Variants in ALPL observed in about 807,000 individuals in gnomAD.
The protein encoded by ALPL is alkaline phosphatase, tissue-nonspecific isozyme.
ALPL carries 42 observed loss-of-function variants against 51.3 expected under a neutral mutation model. The ratio of observed to expected loss-of-function variants is 0.82; its 90% CI spans 0.64 to 1.06. The LOEUF (loss-of-function observed/expected upper bound fraction) is 1.06, where lower values mean the gene tolerates loss of function less well. Among genes scored for constraint, ALPL ranks in the 50% least tolerant of loss-of-function variants. The pLI, the probability that ALPL is intolerant of heterozygous loss-of-function variation, is 0.00. For missense variants in ALPL, 589 were observed against 709.4 expected, an observed-to-expected ratio of 0.83 and a Z score of 1.93; for synonymous variants, 279 against 296.4, an observed-to-expected ratio of 0.94 and a Z score of 0.60.
At chr1:21,524,825 A>G (rs1389653071) in intron 1 of ALPL, among the ~76,000 whole-genome samples, 1 of 152,132 alleles carries the variant, frequency 6.6e-6, no homozygotes, top group Non-Finnish European at 1.5e-5. Flanking sequence ...GAGTTTATCT[A>G]TCCCCTGCGC....
intron 1 of ALPL, among the ~76,000 whole-genome samples, chr1:21,544,700 C>T (rs1200132325): frequency 2.0e-5 from 3 of 152,190 alleles, no homozygotes; most frequent in Non-Finnish European, 4.4e-5. Context: ...GAGCTAAGAC[C>T]GTGCCACTGC....
chr1:21,551,313 GA>G, intron 1 of ALPL: 1 of 152,474 alleles, frequency 6.6e-6, no homozygotes, highest in East Asian at 1.9e-4. Flanking sequence ...GATGGCCCAG[GA>G]AAGAACTATA....
chr1:21,549,232 G>A (rs1179513787), intron 1 of ALPL, among the ~76,000 whole-genome samples: 6 of 152,158 alleles, frequency 3.9e-5, no homozygotes, highest in Admixed American at 3.9e-4. Flanking sequence ...CTCCCTAGGT[G>A]AGCACGTCAA....
intron 2 of ALPL, 69 bp downstream of exon 2, chr1:21,554,211 A>G (rs1644368499): frequency 6.7e-6 from 10 of 1,489,852 alleles, no homozygotes; most frequent in Non-Finnish European, 8.4e-6. Context: ...GGCAGTGTCT[A>G]TGTTTTAAGG....
intron 1 of ALPL, among the ~76,000 whole-genome samples, chr1:21,510,259 A>T (rs1643657425): frequency 6.6e-6 from 1 of 151,254 alleles, no homozygotes; most frequent in African/African-American, 2.5e-5. Flanking sequence ...GCAGAAAGGC[A>T]GGAGGCCGAG....
intron 1 of ALPL, among the ~76,000 whole-genome samples, chr1:21,548,458 C>G (rs2148124108): frequency 6.6e-6 from 1 of 152,368 alleles, no homozygotes; most frequent in South Asian, 2.1e-4. Context: ...ACTTATGGAA[C>G]TGCTACCATG....
At position 21,563,119 on chromosome 1, in the gene ALPL, A is replaced by G. The variant is rs202075854; in HGVS notation, c.307A>G (p.Thr103Ala). The part of the protein sequence containing the change: ...PFVALSKTYN[T>A]NAQVPDSAGT... ...CCTCTCCCACCTGCAGACGTACAAC[A>G]CCAATGCCCAGGTCCCTGACAGTGC... Residue 103 changes from threonine to alanine, a missense_variant, in exon 5 of 12, where the codon ACC (threonine) becomes GCC (alanine). Thr to Ala is a moderately conservative substitution (Grantham distance 58, BLOSUM62 0). Transcript: ENST00000374840. 20 of 1,613,554 alleles carry G rather than the reference A, an allele frequency of 1.2e-5. No homozygotes were observed. Among genetic ancestry groups the G allele is most frequent in the Non-Finnish European group, 1.5e-5 (18 of 1,180,002 alleles).
rs760478056 is a variant in ALPL, at chr1:21,553,386, C to T, written c.-104-592C>T. ...CCATTTTTATATCTCTTACCATAAA[C>T]GACAAGCTCTAGAAGAGAATGTAGC... On this transcript the variant is annotated intron_variant, in intron 1 of 11. Coordinates refer to ENST00000374840, the MANE Select transcript of ALPL (RefSeq NM_000478.6). Among the ~76,000 whole-genome samples, 4 of 152,200 alleles carry T rather than the reference C, an allele frequency of 2.6e-5. No homozygotes were observed. In the South Asian group the frequency reaches 6.2e-4, roughly 24 times the overall value.
intron 1 of ALPL, among the ~76,000 whole-genome samples, chr1:21,517,098 G>C (rs909252015): frequency 1.3e-5 from 2 of 152,182 alleles, no homozygotes; most frequent in African/African-American, 2.4e-5. Flanking sequence ...ATACTGTATT[G>C]AATGTGAAAA....
intron 1 of ALPL, among the ~76,000 whole-genome samples, chr1:21,513,002 G>A (rs1643721721): frequency 6.6e-6 from 1 of 152,148 alleles, no homozygotes; most frequent in Non-Finnish European, 1.5e-5. Context: ...GTAACCAGGA[G>A]TCAGGTTTCA....
intron 1 of ALPL, among the ~76,000 whole-genome samples, chr1:21,527,868 G>C (rs747626732): frequency 2.6e-5 from 4 of 152,044 alleles, no homozygotes; most frequent in Admixed American, 2.0e-4. Context: ...CATTTGAATG[G>C]CTGTTTAGCT....
At chr1:21,566,887 G>A (rs182314845) in intron 6 of ALPL, among the ~76,000 whole-genome samples, 6 of 152,136 alleles carry the variant, frequency 3.9e-5, no homozygotes, top group Non-Finnish European at 7.3e-5. Context: ...ATGAGCCACC[G>A]CGCCTGGCCA....
At chr1:21,560,601 A>G in intron 2 of ALPL, 25 bp from the exon 3 acceptor site, 1 of 1,613,616 alleles carries the variant, frequency 6.2e-7, no homozygotes, top group Non-Finnish European at 8.5e-7. Flanking sequence ...TACCCCGCCA[A>G]GTAACTGCCT....
Position 21,564,231 on chromosome 1 carries a change from G to GCC in ALPL, c.648+16_648+17insCC. 1 of 1,612,794 alleles carries GCC rather than the reference G, an allele frequency of 6.2e-7. No individual in the cohort carries two copies. Among genetic ancestry groups the GCC allele is most frequent in the Non-Finnish European group, 8.5e-7 (1 of 1,179,800 alleles). ...GGGACATTGACGTGAGTGCTCGGGG[G>GCC]CAGCCGGGCAGGGACGGGGTGAGGC... On this transcript the variant is annotated intron_variant, in intron 6 of 11. Coordinates refer to ENST00000374840, the MANE Select transcript of ALPL (RefSeq NM_000478.6). The surrounding 1 kb of genome is among the most constrained non-coding windows in gnomAD (Gnocchi z 5.8).
At chr1:21,520,548 G>C (rs2148065553) in intron 1 of ALPL, among the ~76,000 whole-genome samples, 1 of 141,584 alleles carries the variant, frequency 7.1e-6, no homozygotes, top group South Asian at 2.3e-4. Flanking sequence ...GCTCACTGCA[G>C]CCTCCCAGGT....
At chr1:21,510,306 CTT>C in intron 1 of ALPL, among the ~76,000 whole-genome samples, 1 of 152,280 alleles carries the variant, frequency 6.6e-6, no homozygotes, top group Middle Eastern at 3.4e-3. Context: ...CCTTATGACT[CTT>C]TTTCAACACA....
chr1:21,570,466 T>G, intron 8 of ALPL, 92 bp downstream of exon 8: 2 of 1,342,542 alleles, frequency 1.5e-6, no homozygotes, highest in Non-Finnish European at 2.1e-6. Flanking sequence ...GGCCCTAGCC[T>G]GACGCCCACT....
At chr1:21,537,986 C>T (rs1644132330) in intron 1 of ALPL, among the ~76,000 whole-genome samples, 1 of 152,274 alleles carries the variant, frequency 6.6e-6, no homozygotes, top group South Asian at 2.1e-4. Context: ...ACACTGGGAG[C>T]AATGAGGGCG....
At chr1:21,509,337 G>C (rs1159146774), upstream of ALPL, 1 of 141,880 alleles carries the variant, frequency 7.0e-6, no homozygotes, top group African/African-American at 2.6e-5. This position sits in a 1 kb window ranked among gnomAD's most constrained non-coding sequence, Gnocchi z 6.0. Context: ...AGGGGTTGGG[G>C]CCGGGGGCGG....
Sources: allele counts gnomAD v4.1 joint callset (sites outside exome capture counted in the v4.1 genomes callset), GRCh38; gene constraint gnomAD v4.1.1; non-coding constraint Gnocchi (gnomAD v3.1); transcripts MANE v1.5; gene names NCBI Gene and HGNC (gene_info 2026-07-23, HGNC 2026-07-21).